Variants in SLC13A3 observed in about 807,000 individuals in gnomAD.
SLC13A3 encodes solute carrier family 13 member 3.
In SLC13A3, 40 loss-of-function variants were observed where a neutral mutation model predicts 59.0. The ratio of observed to expected loss-of-function variants is 0.68; its 90% CI spans 0.53 to 0.88. The LOEUF (loss-of-function observed/expected upper bound fraction) is 0.88, where lower values mean the gene tolerates loss of function less well. SLC13A3 is among the 40% of genes least tolerant of loss of function. SLC13A3 has a pLI of 0.00. For missense variants in SLC13A3, 699 were observed against 783.2 expected (o/e 0.89, Z 1.28); for synonymous variants, 317 against 330.3 (o/e 0.96, Z 0.44).
At chr20:46,670,600 T>C (rs2063085550), upstream of SLC13A3, among the ~76,000 whole-genome samples, 1 of 152,114 alleles carries the variant, frequency 6.6e-6, no homozygotes. Flanking sequence ...TACTAAATGA[T>C]GAAAGACTCC....
chr20:46,574,804 A>G (rs2062058801), intron 10 of SLC13A3, among the ~76,000 whole-genome samples: 1 of 151,118 alleles, frequency 6.6e-6, no homozygotes, highest in Admixed American at 6.6e-5. Flanking sequence ...GGAGGTTTAG[A>G]TGAGTTAACG....
In SLC13A3 at chr20:46,677,405, C is replaced by T. The variant is rs925622171; in HGVS notation, c.-31+6991G>A. Reference sequence around the variant, plus strand: ...ACTGCCCCTCCCCCAAGGGCAGCCACGCTCCCAACCTTTTAATTATATTTT... The same window carrying T: ...ACTGCCCCTCCCCCAAGGGCAGCCATGCTCCCAACCTTTTAATTATATTTT... On this transcript the variant is annotated intron_variant, in intron 1 of 6. Coordinates refer to the SLC13A3 transcript ENST00000372121. Among the ~76,000 whole-genome samples the T allele has an allele frequency of 3.3e-5, 5 of 152,140 alleles. No individual in the cohort carries two copies. In the South Asian group the frequency reaches 1.0e-3, roughly 32 times the overall value.
At chr20:46,600,284 AGGGAG>A (rs1248536888) in intron 3 of SLC13A3, among the ~76,000 whole-genome samples, 4 of 126,386 alleles carry the variant, frequency 3.2e-5, no homozygotes, top group African/African-American at 1.1e-4. Flanking sequence ...AGGAAAGGAA[AGGGAG>A]GGAAAGAAAG....
chr20:46,563,314 G>C, intron 12 of SLC13A3, 100 bp downstream of exon 12: 1 of 1,357,208 alleles, frequency 7.4e-7, no homozygotes, highest in Non-Finnish European at 1.0e-6. Context: ...AGAGACTGGG[G>C]AGTGGGGTCA....
At chr20:46,652,398 C>CT (rs916093388), upstream of SLC13A3, among the ~76,000 whole-genome samples, 44 of 150,732 alleles carry the variant, frequency 2.9e-4, no homozygotes, top group East Asian at 1.4e-3. Context: ...GTTTTTTTTT[C>CT]TTTTTTTTGA....
chr20:46,565,428 T>A (rs1477639176), intron 11 of SLC13A3, among the ~76,000 whole-genome samples: 1 of 152,194 alleles, frequency 6.6e-6, no homozygotes, highest in East Asian at 1.9e-4. Context: ...TTTTTGTTTT[T>A]GTTTTGAGAC....
intron 10 of SLC13A3, among the ~76,000 whole-genome samples, chr20:46,575,000 G>C (rs961590743): frequency 6.6e-6 from 1 of 151,874 alleles, no homozygotes; most frequent in African/African-American, 2.4e-5. Flanking sequence ...AATTAGCTGG[G>C]CATGGGGAGG....
chr20:46,640,228 C>T lies in SLC13A3; in HGVS notation c.111+11083G>A, dbSNP rs80157978. ...TCACTTCCTACAGCCTCCCAGGTGTCGGCACTTTCTTGTAGGGGAGCTGAG... is the reference window on the plus strand; with the variant it reads ...TCACTTCCTACAGCCTCCCAGGTGTTGGCACTTTCTTGTAGGGGAGCTGAG... On this transcript the variant is annotated intron_variant, in intron 1 of 12. Transcript: ENST00000279027. Among the ~76,000 whole-genome samples the T allele has an allele frequency of 7.4e-3, 1,128 of 152,194 alleles. 11 individuals are homozygous for T. The highest frequency in any genetic ancestry group is 0.024 in the African/African-American group (988 of 41,524).
chr20:46,656,257 TTA>T (rs1040588822), upstream of SLC13A3, among the ~76,000 whole-genome samples: 1 of 138,240 alleles, frequency 7.2e-6, no homozygotes, highest in South Asian at 2.2e-4. Context: ...TACTGTATAC[TTA>T]TATAGACTGT....
intron 1 of SLC13A3, among the ~76,000 whole-genome samples, chr20:46,643,448 C>T (rs770380848): frequency 3.3e-5 from 5 of 152,038 alleles, no homozygotes; most frequent in East Asian, 1.9e-4. Context: ...AGGTTCAGAA[C>T]GAGGGGGCTG....
At chr20:46,644,073 G>A (rs1600605806) in intron 1 of SLC13A3, among the ~76,000 whole-genome samples, 1 of 152,046 alleles carries the variant, frequency 6.6e-6, no homozygotes, top group Admixed American at 6.6e-5. Flanking sequence ...AAACATTGAT[G>A]ACCAATGCCT....
chr20:46,578,968 C>T (rs1345044880), intron 9 of SLC13A3, among the ~76,000 whole-genome samples: 5 of 152,124 alleles, frequency 3.3e-5, no homozygotes, highest in Non-Finnish European at 1.5e-5. Context: ...ATAGTAGGTA[C>T]TCAATCAATA....
chr20:46,597,528 C>G lies in SLC13A3; in HGVS notation c.609-1186G>C, dbSNP rs149155841. On this transcript the variant is annotated intron_variant, in intron 4 of 12. Coordinates refer to ENST00000279027, the MANE Select transcript of SLC13A3 (RefSeq NM_022829.6). ...CTCGGCTCACTGCTACCTCTGCCTC[C>G]CGGGTTCAAGCGATTCTCCTGCCTC... Among the ~76,000 whole-genome samples the G allele has an allele frequency of 5.3e-3, 807 of 152,216 alleles. 9 individuals are homozygous for G. The highest frequency in any genetic ancestry group is 0.019 in the African/African-American group (782 of 41,534).
At chr20:46,611,407 G>T (rs140194164) in intron 2 of SLC13A3, among the ~76,000 whole-genome samples, 1 of 152,124 alleles carries the variant, frequency 6.6e-6, no homozygotes, top group Non-Finnish European at 1.5e-5. Context: ...CTCTCATGTG[G>T]GCTCTCACAC....
At chr20:46,629,609 T>A (rs1367822408) in intron 1 of SLC13A3, among the ~76,000 whole-genome samples, 1 of 152,252 alleles carries the variant, frequency 6.6e-6, no homozygotes, top group Non-Finnish European at 1.5e-5. Context: ...TTCAATCTTT[T>A]TTAGCCTGTA....
chr20:46,645,603 T>G lies in SLC13A3; in HGVS notation c.111+5708A>C, dbSNP rs1037710217. Among the ~76,000 whole-genome samples the G allele has an allele frequency of 2.0e-5, 3 of 152,226 alleles. No homozygotes were observed. In the East Asian group the frequency reaches 5.8e-4, roughly 29 times the overall value. On this transcript the variant is annotated intron_variant, in intron 1 of 12. Transcript: ENST00000279027. ...GGGTGGAACAATGAGGTTACCTCCCTTCTAATCCTTCTTTCCTTCTCATTA... is the reference window on the plus strand; with the variant it reads ...GGGTGGAACAATGAGGTTACCTCCCGTCTAATCCTTCTTTCCTTCTCATTA...
chr20:46,596,239 T>C lies in SLC13A3; in HGVS notation c.712A>G (p.Ile238Val). 1.9e-6 allele frequency: 3 copies of C among 1,614,128 alleles called. No homozygotes were observed. The highest frequency in any genetic ancestry group is 2.2e-5 in the South Asian group (2 of 91,078). The change falls in exon 5 of 13, where the codon ATC (isoleucine) becomes GTC (valine). Residue 238 changes from isoleucine to valine, a missense_variant. Coordinates refer to ENST00000279027, the MANE Select transcript of SLC13A3 (RefSeq NM_022829.6). The part of the protein sequence containing the change: ...RNIWKGFLIS[I>V]PYSASIGGTA... ...CCCCCAATACTGGCTGAGTAGGGGA[T>C]GGAGATGAGGAAGCCCTTCCAGATG... is the stretch of plus-strand genomic sequence containing the variant.
intron 12 of SLC13A3, among the ~76,000 whole-genome samples, chr20:46,561,812 G>A (rs1372780319): frequency 6.6e-6 from 1 of 152,030 alleles, no homozygotes; most frequent in African/African-American, 2.4e-5. Flanking sequence ...AGAGGGAGTC[G>A]GGCCGACATG....
At chr20:46,641,744 T>C in intron 1 of SLC13A3, among the ~76,000 whole-genome samples, 1 of 152,192 alleles carries the variant, frequency 6.6e-6, no homozygotes, top group East Asian at 1.9e-4. Flanking sequence ...CTAATTTCTG[T>C]ATTTGAGGCT....
Sources: gnomAD v4.1 joint callset for allele counts (sites outside exome capture counted in the v4.1 genomes callset) on GRCh38, gnomAD v4.1.1 for gene constraint, MANE v1.5 for transcripts, NCBI Gene and HGNC (gene_info 2026-07-23, HGNC 2026-07-21) for gene names.